TMEM178A: variants seen among roughly 807,000 people sequenced by gnomAD.
The protein encoded by TMEM178A is transmembrane protein 178A.
Under a neutral mutation model 29.1 loss-of-function variants are expected in TMEM178A, and 12 were observed. That is an observed-to-expected ratio of 0.41 (90% CI 0.26 to 0.67). TMEM178A has a LOEUF of 0.67. Ranked by LOEUF, TMEM178A falls within the 30% of genes least tolerant of loss-of-function variation. TMEM178A has a pLI of 0.29. For synonymous variants in TMEM178A, 210 were observed against 187.2 expected (o/e 1.12, Z -0.99); for missense variants, 366 against 419.1 (o/e 0.87, Z 1.11).
intron 1 of TMEM178A, among the ~76,000 whole-genome samples, chr2:39,668,361 A>T (rs1321072178): frequency 6.6e-6 from 1 of 152,240 alleles, no homozygotes. Flanking sequence ...GATGAAAACA[A>T]TCTCAGCTTT....
downstream of TMEM178A, among the ~76,000 whole-genome samples, chr2:39,720,257 C>T (rs1025374139): frequency 2.0e-5 from 3 of 152,028 alleles, no homozygotes; most frequent in African/African-American, 4.8e-5. Context: ...ATTTCTTATT[C>T]GAAATTGAAG....
At chr2:39,682,033 G>T (rs1048989917) in intron 1 of TMEM178A, among the ~76,000 whole-genome samples, 4 of 152,242 alleles carry the variant, frequency 2.6e-5, no homozygotes, top group African/African-American at 9.6e-5. Flanking sequence ...CTAGACCTCA[G>T]TTTCTCATTT....
chr2:39,678,173 T>G (rs1670709720), intron 1 of TMEM178A, among the ~76,000 whole-genome samples: 1 of 152,200 alleles, frequency 6.6e-6, no homozygotes, highest in Admixed American at 6.5e-5. Context: ...ATCGGATAGA[T>G]TCCTTAATAA....
intron 1 of TMEM178A, among the ~76,000 whole-genome samples, chr2:39,693,603 C>T (rs551895239): frequency 1.3e-5 from 2 of 152,206 alleles, no homozygotes; most frequent in East Asian, 3.9e-4. Context: ...TTGTGGTTCT[C>T]TTGTCTCCTG....
At chr2:39,725,199 G>A in the TMEM178A span, among the ~76,000 whole-genome samples, 1 of 152,188 alleles carries the variant, frequency 6.6e-6, no homozygotes, top group Admixed American at 6.5e-5. Flanking sequence ...GGTGGGACGG[G>A]TGAGTGGCCC....
rs567683673 is a variant in TMEM178A at position 39,686,425 on chromosome 2, T to A, written c.401-17656T>A. On this transcript the variant is annotated intron_variant, in intron 1 of 3. Coordinates refer to ENST00000281961, the MANE Select transcript of TMEM178A (RefSeq NM_152390.3). ...ATTCTCTTAAATTAGGTTTTTTTTTTAATTACCTACTTATCCTTCAGAAAC... is the reference window on the plus strand; with the variant it reads ...ATTCTCTTAAATTAGGTTTTTTTTTAAATTACCTACTTATCCTTCAGAAAC... 1.2e-4 allele frequency among the ~76,000 whole-genome samples: 19 copies of A among 152,256 alleles called. No individual in the cohort carries two copies. In the East Asian group the frequency reaches 1.4e-3, roughly 11 times the overall value.
chr2:39,677,436 C>T (rs1293912091), intron 1 of TMEM178A, among the ~76,000 whole-genome samples: 1 of 152,206 alleles, frequency 6.6e-6, no homozygotes, highest in Non-Finnish European at 1.5e-5. Flanking sequence ...TAGCAAATCA[C>T]TCCTTGCTAT....
chr2:39,725,986 G>A, the TMEM178A span, among the ~76,000 whole-genome samples: 1 of 152,170 alleles, frequency 6.6e-6, no homozygotes, highest in Non-Finnish European at 1.5e-5. Flanking sequence ...CCTAGTATGT[G>A]CCAGAGACTG....
intron 1 of TMEM178A, among the ~76,000 whole-genome samples, chr2:39,672,017 C>G (rs1670427847): frequency 6.6e-6 from 1 of 152,214 alleles, no homozygotes; most frequent in African/African-American, 2.4e-5. Flanking sequence ...TAAACAACTG[C>G]TAGCTCATAC....
At chr2:39,707,290 C>G (rs1415734699) in intron 3 of TMEM178A, 104 bp downstream of exon 3, 1 of 1,396,556 alleles carries the variant, frequency 7.2e-7, no homozygotes, top group Non-Finnish European at 9.5e-7. Context: ...TTTGTTTTCA[C>G]TGTTAGAAAA....
At chr2:39,689,238 C>T (rs746336758) in intron 1 of TMEM178A, among the ~76,000 whole-genome samples, 1 of 152,184 alleles carries the variant, frequency 6.6e-6, no homozygotes, top group Non-Finnish European at 1.5e-5. Flanking sequence ...AAATGTGCAG[C>T]CTTTCTCCAG....
chr2:39,707,664 C>G lies in TMEM178A; in HGVS notation c.652+478C>G, dbSNP rs1672096106. Among the ~76,000 whole-genome samples the G allele has an allele frequency of 1.3e-5, 2 of 152,092 alleles. 1 individual carries two copies. Among genetic ancestry groups the G allele is most frequent in the South Asian group, 4.2e-4 (2 of 4,818 alleles). The stretch of plus-strand genomic sequence containing the variant: ...TTTTTGTATTTTTAGTAGGGTTTCA[C>G]CATGTTGGCCAGGCTGGTCTCGAAC... On this transcript the variant is annotated intron_variant, in intron 3 of 3. Transcript: ENST00000281961.
intron 1 of TMEM178A, among the ~76,000 whole-genome samples, chr2:39,668,927 C>T (rs1313867365): frequency 2.0e-5 from 3 of 152,140 alleles, no homozygotes; most frequent in Non-Finnish European, 4.4e-5. Context: ...CAAACATTAT[C>T]ACCTTTGTTT....
At chr2:39,708,049 A>G (rs1161969007) in intron 3 of TMEM178A, among the ~76,000 whole-genome samples, 5 of 152,206 alleles carry the variant, frequency 3.3e-5, no homozygotes, top group Non-Finnish European at 7.3e-5. Context: ...ATTCTTGTTC[A>G]TTTTTATTGT....
intron 1 of TMEM178A, among the ~76,000 whole-genome samples, chr2:39,696,725 G>T (rs1023603536): frequency 1.3e-5 from 2 of 152,122 alleles, no homozygotes; most frequent in Non-Finnish European, 1.5e-5. Flanking sequence ...TCGAGTAGGG[G>T]TTTCTATGAC....
At chr2:39,679,356 A>G (rs1293523822) in intron 1 of TMEM178A, among the ~76,000 whole-genome samples, 7 of 151,772 alleles carry the variant, frequency 4.6e-5, no homozygotes, top group Non-Finnish European at 1.0e-4. Context: ...AAAGACTAAG[A>G]CACTAATTAT....
chr2:39,735,884 G>A, the TMEM178A span, among the ~76,000 whole-genome samples: 6 of 152,214 alleles, frequency 3.9e-5, no homozygotes, highest in South Asian at 2.1e-4. Context: ...CTGATACCAG[G>A]GGCCCAGGTT....
intron 1 of TMEM178A, 145 bp from the exon 2 acceptor site, chr2:39,703,936 G>A: frequency 1.6e-6 from 1 of 620,324 alleles, no homozygotes; most frequent in Admixed American, 2.9e-5. Flanking sequence ...ATTATTTTAT[G>A]TTTTAGGTTT....
At chr2:39,675,375 G>A (rs530069400) in intron 1 of TMEM178A, among the ~76,000 whole-genome samples, 1 of 151,078 alleles carries the variant, frequency 6.6e-6, no homozygotes, top group South Asian at 2.1e-4. Context: ...CATCTGATTT[G>A]GGAAAGTTAA....
Sources: allele counts gnomAD v4.1 joint callset (sites outside exome capture counted in the v4.1 genomes callset), GRCh38; gene constraint gnomAD v4.1.1; transcripts MANE v1.5; gene names NCBI Gene and HGNC (gene_info 2026-07-23, HGNC 2026-07-21).